PYY: variants seen among roughly 807,000 people sequenced by gnomAD.
PYY encodes peptide YY, also known as peptide tyrosine tyrosine.
A neutral mutation model predicts 10.3 loss-of-function variants in PYY; 12 were observed. That is an observed-to-expected ratio of 1.17 (90% CI 0.75 to 1.89). The LOEUF (loss-of-function observed/expected upper bound fraction) is 1.89. Among genes scored for constraint, PYY ranks in the 40% most tolerant of loss-of-function variants. The pLI is 0.00. For synonymous variants in PYY, 66 were observed against 62.0 expected (o/e 1.06, Z -0.30); for missense variants, 141 against 134.0 (o/e 1.05, Z -0.26).
At chr17:43,954,061 C>G (rs1018523945), upstream of PYY, 3 of 153,312 alleles carry the variant, frequency 2.0e-5, no homozygotes. Context: ...CTCGCCAGAT[C>G]GCTGAGCTTA....
chr17:43,970,552 T>G (rs962455471), intron 1 of PYY, among the ~76,000 whole-genome samples: 3 of 149,944 alleles, frequency 2.0e-5, no homozygotes, highest in African/African-American at 7.3e-5. Flanking sequence ...AAATGACAGA[T>G]AGCTAGGTCA....
At position 44,002,854 on chromosome 17, in the gene PYY, A is replaced by G. The variant is rs368312101; in HGVS notation, c.-463+1537T>C. 3.2e-4 allele frequency among the ~76,000 whole-genome samples: 48 copies of G among 152,292 alleles called. No individual in the cohort carries two copies. In the South Asian group the frequency reaches 9.7e-3, roughly 31 times the overall value. ...TCCTTTGCATAGTGCCTAGCATTCG[A>G]CATGTGTTAGCTATTCCTCTACCAC... is the stretch of plus-strand genomic sequence containing the variant. On this transcript the variant is annotated intron_variant, in intron 1 of 6. Transcript: ENST00000360085.
At chr17:43,976,470 CACACAT>C (rs1175011212) in intron 1 of PYY, among the ~76,000 whole-genome samples, 10 of 144,802 alleles carry the variant, frequency 6.9e-5, no homozygotes, top group African/African-American at 2.5e-4. Flanking sequence ...TATACACACA[CACACAT>C]ATATATATAT....
intron 1 of PYY, among the ~76,000 whole-genome samples, chr17:43,983,774 G>A (rs2048897932): frequency 6.6e-6 from 1 of 152,182 alleles, no homozygotes; most frequent in South Asian, 2.1e-4. Context: ...GGCTGTCACA[G>A]TCCCATGCCC....
chr17:43,975,769 T>C lies in PYY; in HGVS notation c.-462-9237A>G, dbSNP rs773880898. On this transcript the variant is annotated intron_variant, in intron 1 of 6. Transcript: ENST00000360085. ...ATACACACACACACACATATATATA[T>C]ACACACATATATACACGTGTACATA... 9.9e-4 allele frequency among the ~76,000 whole-genome samples: 139 copies of C among 140,182 alleles called. 44 individuals are homozygous for C. Among genetic ancestry groups the C allele is most frequent in the African/African-American group, 3.0e-3 (107 of 35,560 alleles). 92.0% of individuals were successfully genotyped at this position (140,182 alleles called of 152,430 possible). A position where few individuals can be genotyped will look rare whatever the true frequency, so the allele number is the denominator to read the frequency against.
chr17:43,994,302 T>G (rs1395122289), intron 1 of PYY, among the ~76,000 whole-genome samples: 1 of 152,072 alleles, frequency 6.6e-6, no homozygotes, highest in Admixed American at 6.6e-5. Flanking sequence ...ACTCCCTTCC[T>G]CAAAACCCTG....
chr17:43,989,499 T>G (rs763437606), intron 1 of PYY, among the ~76,000 whole-genome samples: 24 of 152,116 alleles, frequency 1.6e-4, no homozygotes, highest in African/African-American at 5.8e-4. Context: ...CAGAGTACAC[T>G]AGGATTCCAG....
chr17:43,977,918 G>A (rs2048859115), intron 1 of PYY, among the ~76,000 whole-genome samples: 1 of 152,126 alleles, frequency 6.6e-6, no homozygotes, highest in Non-Finnish European at 1.5e-5. Context: ...AGTGAATCTT[G>A]GCCGGGCACG....
At chr17:43,989,834 A>T (rs1597857196) in intron 1 of PYY, among the ~76,000 whole-genome samples, 1 of 39,892 alleles carries the variant, frequency 2.5e-5, no homozygotes, top group Non-Finnish European at 4.4e-5. Context: ...AAAAAAAAAA[A>T]AAAAAAAAAA....
intron 1 of PYY, among the ~76,000 whole-genome samples, chr17:43,975,077 A>G (rs1233188136): frequency 1.3e-5 from 2 of 152,152 alleles, no homozygotes; most frequent in Non-Finnish European, 2.9e-5. Flanking sequence ...CCATGTCTGC[A>G]GGATGTCAGG....
chr17:43,957,972 G>C (rs2048685761), upstream of PYY: 1 of 154,564 alleles, frequency 6.5e-6, no homozygotes. Context: ...ACAGATACTT[G>C]TGGTGTGCTG....
At chr17:43,964,981 C>T (rs540705381) in intron 2 of PYY, among the ~76,000 whole-genome samples, 59 of 152,266 alleles carry the variant, frequency 3.9e-4, no homozygotes, top group Admixed American at 7.9e-4. Context: ...AGAAAGAGGA[C>T]ACAGATGTCA....
rs1449620622 is a variant in PYY, at chr17:43,965,497, T to G, written c.-218+791A>C. Among the ~76,000 whole-genome samples the G allele has an allele frequency of 5.9e-5, 7 of 118,984 alleles. No individual in the cohort carries two copies. In the South Asian group the frequency reaches 1.0e-3, roughly 17 times the overall value. 78.1% of individuals were successfully genotyped at this position (118,984 alleles called of 152,430 possible). A position where few individuals can be genotyped will look rare whatever the true frequency, so the allele number is the denominator to read the frequency against. On this transcript the variant is annotated intron_variant, in intron 2 of 6. Transcript: ENST00000360085. ...CTCCGTATCAAAAAAAAAAAAAAATTGTATATATTTGGCCAGGCATGGTGA... is the reference window on the plus strand; with the variant it reads ...CTCCGTATCAAAAAAAAAAAAAAATGGTATATATTTGGCCAGGCATGGTGA...
upstream of PYY, chr17:43,957,977 G>A (rs1212765022): frequency 3.2e-5 from 5 of 154,522 alleles, 1 homozygote; most frequent in Admixed American, 6.6e-5. Flanking sequence ...TACTTGTGGT[G>A]TGCTGCGCGC....
chr17:43,963,753 A>T (rs575080531), intron 2 of PYY, among the ~76,000 whole-genome samples: 1 of 152,140 alleles, frequency 6.6e-6, no homozygotes, highest in South Asian at 2.1e-4. Context: ...GGATCGCTTG[A>T]GCCCAGGAGT....
At chr17:43,972,457 C>T (rs535171904) in intron 1 of PYY, among the ~76,000 whole-genome samples, 21 of 152,156 alleles carry the variant, frequency 1.4e-4, no homozygotes, top group African/African-American at 3.9e-4. Flanking sequence ...CTCAGGTGAT[C>T]TGCCTGCCTC....
intron 1 of PYY, among the ~76,000 whole-genome samples, chr17:43,974,464 A>G (rs377508672): frequency 1.1e-4 from 16 of 152,032 alleles, no homozygotes; most frequent in Non-Finnish European, 1.5e-4. Flanking sequence ...CCCTGTGTCA[A>G]TTGTTCACCC....
At chr17:43,990,573 G>A (rs370456220) in intron 1 of PYY, among the ~76,000 whole-genome samples, 1 of 151,722 alleles carries the variant, frequency 6.6e-6, no homozygotes, top group African/African-American at 2.4e-5. Context: ...GGCAAAAACC[G>A]CAATTACTTT....
intron 1 of PYY, among the ~76,000 whole-genome samples, chr17:43,986,334 T>C (rs544667666): frequency 6.6e-6 from 1 of 152,206 alleles, no homozygotes; most frequent in East Asian, 1.9e-4. Context: ...GTCGTGCCCA[T>C]ATGCCTGTTC....
Sources: allele counts gnomAD v4.1 joint callset (sites outside exome capture counted in the v4.1 genomes callset), GRCh38; gene constraint gnomAD v4.1.1; transcripts MANE v1.5; gene names NCBI Gene and HGNC (gene_info 2026-07-23, HGNC 2026-07-21).